Variants in TSPAN18 observed in about 807,000 individuals in gnomAD.
TSPAN18 encodes the protein tetraspanin-18.
Under a neutral mutation model 27.3 loss-of-function variants are expected in TSPAN18, and 14 were observed. The ratio of observed to expected loss-of-function variants is 0.51; its 90% CI spans 0.34 to 0.80. The LOEUF is 0.80. TSPAN18 is among the 30% of genes least tolerant of loss of function. The pLI is 0.01. For missense variants in TSPAN18, 268 were observed against 323.9 expected (o/e 0.83, Z 1.32); for synonymous variants, 143 against 136.5 (o/e 1.05, Z -0.33).
intron 2 of TSPAN18, among the ~76,000 whole-genome samples, chr11:44,811,871 C>T (rs55752312): frequency 6.6e-6 from 1 of 152,126 alleles, no homozygotes; most frequent in African/African-American, 2.4e-5. Flanking sequence ...CTGACAAGTT[C>T]CTTAATGAAG....
Position 44,931,146 on chromosome 11 carries a change from C to T in TSPAN18, c.*1968C>T, listed in dbSNP as rs1412506022. 4 of 352,816 alleles carry T rather than the reference C, an allele frequency of 1.1e-5. No individual in the cohort carries two copies. The highest frequency in any genetic ancestry group is 8.6e-5 in the African/African-American group (4 of 46,676). The allele number at this position is 352,816 out of a possible 1,614,324, so 21.9% of individuals were successfully genotyped here. A position where few individuals can be genotyped will look rare whatever the true frequency, so the allele number is the denominator to read the frequency against. ...ACCAAATTCGCCCTTTAACAGCTTG[C>T]TCTGGCAACCCCATAAATGACACCT... On this transcript the variant is annotated 3_prime_UTR_variant, in exon 10 of 10. Transcript: ENST00000520358.
chr11:44,726,414 A>G (rs1565122177), upstream of TSPAN18: 3 of 152,232 alleles, frequency 2.0e-5, no homozygotes, highest in Non-Finnish European at 2.9e-5. Context: ...CCTTGCAATC[A>G]AGTCATTTGC....
intron 2 of TSPAN18, among the ~76,000 whole-genome samples, chr11:44,765,064 G>A (rs1370683588): frequency 6.6e-6 from 1 of 152,214 alleles, no homozygotes; most frequent in African/African-American, 2.4e-5. Flanking sequence ...AGCTGACCAT[G>A]ATTCTGGGAC....
At chr11:44,911,809 A>G (rs1416044286) in intron 5 of TSPAN18, among the ~76,000 whole-genome samples, 4 of 151,974 alleles carry the variant, frequency 2.6e-5, no homozygotes, top group Non-Finnish European at 4.4e-5. Flanking sequence ...CTCCCGTGCT[A>G]TGCGAGGCAG....
chr11:44,770,970 T>C (rs1855677328), intron 2 of TSPAN18, among the ~76,000 whole-genome samples: 1 of 152,098 alleles, frequency 6.6e-6, no homozygotes, highest in African/African-American at 2.4e-5. Flanking sequence ...TAAGTTGAGA[T>C]GCTTATTAGC....
intron 2 of TSPAN18, among the ~76,000 whole-genome samples, chr11:44,792,350 C>T (rs1283962195): frequency 6.6e-6 from 1 of 152,148 alleles, no homozygotes; most frequent in African/African-American, 2.4e-5. Context: ...CAGGCACGCA[C>T]GGCCTGGAGC....
intron 3 of TSPAN18, among the ~76,000 whole-genome samples, chr11:44,905,090 T>C (rs1469520216): frequency 6.6e-6 from 1 of 152,174 alleles, no homozygotes; most frequent in Admixed American, 6.5e-5. Context: ...GAATAATAAT[T>C]GTATATGTTT....
rs1224424450 is a variant in TSPAN18 at position 44,727,254 on chromosome 11, A to G, written c.-273A>G. The G allele has an allele frequency of 1.3e-5, 2 of 151,442 alleles. No individual in the cohort carries two copies. Among genetic ancestry groups the G allele is most frequent in the East Asian group, 3.9e-4 (2 of 5,124 alleles). 9.4% of individuals were successfully genotyped at this position (151,442 alleles called of 1,614,324 possible). ...AAGTTTCCCCCCGGCCGCCGGCGGG[A>G]TTTGGCGCGGGGTCCGGCAGCCGCC... is the stretch of plus-strand genomic sequence containing the variant. On this transcript the variant is annotated 5_prime_UTR_variant, in exon 1 of 10. Coordinates refer to ENST00000520358, the MANE Select transcript of TSPAN18 (RefSeq NM_130783.5).
rs143761258 is a variant in TSPAN18, at chr11:44,878,809, G to A, written c.-11+18340G>A. ...TGTGCTCTCCCACTCTTGTGTCTGG[G>A]CTGGGTCTCCCAATCTCCAAAAATG... On this transcript the variant is annotated intron_variant, in intron 3 of 9. Transcript: ENST00000520358. Among the ~76,000 whole-genome samples the A allele has an allele frequency of 1.6e-3, 238 of 152,308 alleles. 1 individual carries two copies. The highest frequency in any genetic ancestry group is 2.1e-3 in the Non-Finnish European group (145 of 68,036).
At chr11:44,799,997 AT>A (rs1856440105) in intron 2 of TSPAN18, among the ~76,000 whole-genome samples, 1 of 125,756 alleles carries the variant, frequency 8.0e-6, no homozygotes, top group Non-Finnish European at 1.6e-5. Context: ...CACCCGGCTA[AT>A]TTTTTGTGTT....
intron 2 of TSPAN18, among the ~76,000 whole-genome samples, chr11:44,805,902 C>T (rs1856582326): frequency 1.3e-5 from 2 of 152,138 alleles, no homozygotes. Context: ...CTTAAAAAGA[C>T]ACAGTCATTG....
At chr11:44,813,985 TGAACTTTATAAAGCA>T (rs1379880384) in intron 2 of TSPAN18, among the ~76,000 whole-genome samples, 6 of 152,350 alleles carry the variant, frequency 3.9e-5, no homozygotes, top group Admixed American at 2.0e-4. Flanking sequence ...CAGGGATCGT[TGAACTTTATAAAGCA>T]GCAAAGCCAC....
At chr11:44,859,368 C>T (rs1373570128) in intron 2 of TSPAN18, among the ~76,000 whole-genome samples, 1 of 152,228 alleles carries the variant, frequency 6.6e-6, no homozygotes, top group East Asian at 1.9e-4. Context: ...ACGCCAAATG[C>T]TCCTCTGTGG....
intron 3 of TSPAN18, among the ~76,000 whole-genome samples, chr11:44,879,224 G>A (rs1023056403): frequency 6.6e-6 from 1 of 152,114 alleles, no homozygotes; most frequent in African/African-American, 2.4e-5. Flanking sequence ...TGTGAAAGAA[G>A]CCCACACGGA....
intron 2 of TSPAN18, among the ~76,000 whole-genome samples, chr11:44,807,260 G>T (rs527354656): frequency 7.0e-6 from 1 of 142,182 alleles, no homozygotes; most frequent in Non-Finnish European, 1.5e-5. Context: ...CAGGCACCGT[G>T]GCTCATGCCT....
chr11:44,807,363 T>C (rs1190448438), intron 2 of TSPAN18, among the ~76,000 whole-genome samples: 1 of 150,448 alleles, frequency 6.6e-6, no homozygotes, highest in Non-Finnish European at 1.5e-5. Flanking sequence ...ACCCTGTCTC[T>C]ACTAAAAATA....
chr11:44,742,962 C>T (rs374298263), intron 1 of TSPAN18, among the ~76,000 whole-genome samples: 1 of 152,218 alleles, frequency 6.6e-6, no homozygotes, highest in Non-Finnish European at 1.5e-5. Context: ...CTGGCATCTG[C>T]TCTCATACTC....
Position 44,919,606 on chromosome 11 carries a change from T to A in TSPAN18, c.433-211T>A, listed in dbSNP as rs187975861. On this transcript the variant is annotated intron_variant, in intron 7 of 9. Coordinates refer to ENST00000520358, the MANE Select transcript of TSPAN18 (RefSeq NM_130783.5). Reference sequence around the variant, plus strand: ...GGCTAAGCGCCTGGTGAGGTAGGAATTGTTACTGCCACCTCTGTTATAGAG... The same window carrying A: ...GGCTAAGCGCCTGGTGAGGTAGGAAATGTTACTGCCACCTCTGTTATAGAG... 164 of 621,314 alleles carry A rather than the reference T, an allele frequency of 2.6e-4. 1 individual carries two copies. The highest frequency in any genetic ancestry group is 2.5e-3 in the African/African-American group (135 of 54,486). 38.5% of individuals were successfully genotyped at this position (621,314 alleles called of 1,614,324 possible). A position where few individuals can be genotyped will look rare whatever the true frequency, so the allele number is the denominator to read the frequency against.
intron 3 of TSPAN18, among the ~76,000 whole-genome samples, chr11:44,881,567 G>A (rs1858490052): frequency 6.6e-6 from 1 of 152,216 alleles, no homozygotes; most frequent in Non-Finnish European, 1.5e-5. Flanking sequence ...TCCCTCAAAA[G>A]GTTGTTGGAA....
Sources: gnomAD v4.1 joint callset for allele counts (sites outside exome capture counted in the v4.1 genomes callset) on GRCh38, gnomAD v4.1.1 for gene constraint, MANE v1.5 for transcripts, NCBI Gene and HGNC (gene_info 2026-07-23, HGNC 2026-07-21) for gene names.